RIMBP2: variants seen among roughly 807,000 people sequenced by gnomAD.
RIMBP2 encodes the protein RIMS-binding protein 2.
A neutral mutation model predicts 118.6 loss-of-function variants in RIMBP2; 48 were observed. That is an observed-to-expected ratio of 0.40 (90% CI 0.32 to 0.51). RIMBP2 has a LOEUF of 0.51. RIMBP2 is among the 20% of genes least tolerant of loss of function. RIMBP2 has a pLI of 0.41. For synonymous variants in RIMBP2, 762 were observed against 742.9 expected (o/e 1.03, Z -0.42); for missense variants, 1,551 against 1,768.3 (o/e 0.88, Z 2.20).
rs187629300 is a variant in RIMBP2 at position 130,691,533 on chromosome 12, G to A, written c.-352+24689C>T. 5.3e-5 allele frequency among the ~76,000 whole-genome samples: 8 copies of A among 151,978 alleles called. No individual in the cohort carries two copies. In the East Asian group the frequency reaches 1.5e-3, roughly 29 times the overall value. On this transcript the variant is annotated intron_variant, in intron 1 of 22. Coordinates refer to ENST00000690449, the MANE Select transcript of RIMBP2 (RefSeq NM_001393629.1). ...AAAAAAATACAAAAATTAGCCGGAT[G>A]TGATGGCCCACACTGGAATCCCAGC... is the stretch of plus-strand genomic sequence containing the variant.
chr12:130,656,638 C>A (rs953518267), intron 1 of RIMBP2, among the ~76,000 whole-genome samples: 1 of 152,100 alleles, frequency 6.6e-6, no homozygotes, highest in Non-Finnish European at 1.5e-5. Flanking sequence ...GCGACCTCCC[C>A]GCGTCTTCAC....
rs1326652527 is a variant in RIMBP2 at position 130,617,412 on chromosome 12, T to C, written c.-217+10910A>G. Among the ~76,000 whole-genome samples the C allele has an allele frequency of 1.3e-5, 2 of 152,194 alleles. No individual in the cohort carries two copies. Reference sequence around the variant, plus strand: ...ACCATCTCCCTTCACCAGACTCCATTTTTTTCCTAGCACACATTGCCCTGG... The same window carrying C: ...ACCATCTCCCTTCACCAGACTCCATCTTTTTCCTAGCACACATTGCCCTGG... On this transcript the variant is annotated intron_variant, in intron 2 of 22. Transcript: ENST00000690449. This position sits in a 1 kb window ranked among gnomAD's most constrained non-coding sequence, Gnocchi z 4.6.
At chr12:130,635,968 C>A (rs1236966541) in intron 1 of RIMBP2, among the ~76,000 whole-genome samples, 2 of 152,114 alleles carry the variant, frequency 1.3e-5, no homozygotes, top group African/African-American at 4.8e-5. Flanking sequence ...CCCTCCCCTG[C>A]CAAAGCCCCT....
At chr12:130,626,202 C>T (rs983685146) in intron 2 of RIMBP2, among the ~76,000 whole-genome samples, 1 of 152,188 alleles carries the variant, frequency 6.6e-6, no homozygotes, top group East Asian at 1.9e-4. Flanking sequence ...CACATCAGAC[C>T]TTTTCTGCCT....
At chr12:130,605,611 T>C (rs1050817349) in intron 2 of RIMBP2, among the ~76,000 whole-genome samples, 1 of 152,132 alleles carries the variant, frequency 6.6e-6, no homozygotes, top group Non-Finnish European at 1.5e-5. Flanking sequence ...AGTGACAATA[T>C]CTACAACTTT....
chr12:130,674,816 G>A (rs2064373017), intron 1 of RIMBP2, among the ~76,000 whole-genome samples: 1 of 151,766 alleles, frequency 6.6e-6, no homozygotes, highest in African/African-American at 2.4e-5. Flanking sequence ...TTCCGTCTGT[G>A]TGGGTTCGCC....
Position 130,439,829 on chromosome 12 carries a change from G to GTGTGTGTA in RIMBP2, c.1505-1314_1505-1313insTACACACA, listed in dbSNP as rs1555250326. Among the ~76,000 whole-genome samples the GTGTGTGTA allele has an allele frequency of 3.9e-3, 428 of 109,586 alleles. 23 individuals carry two copies. Among genetic ancestry groups the GTGTGTGTA allele is most frequent in the African/African-American group, 0.014 (364 of 25,336 alleles). The allele number at this position is 109,586 out of a possible 152,430, so 71.9% of individuals were successfully genotyped here. ...TGAGTCTGTGGGGGTGTCTGTGTGT[G>GTGTGTGTA]TGTGTATGTGTATCTGTGAGTCTGT... is the stretch of plus-strand genomic sequence containing the variant. On this transcript the variant is annotated intron_variant, in intron 11 of 22. Transcript: ENST00000690449.
rs957897769 is a variant in RIMBP2 at position 130,525,253 on chromosome 12, G to A, written c.-216-7336C>T. Among the ~76,000 whole-genome samples, 4 of 152,206 alleles carry A rather than the reference G, an allele frequency of 2.6e-5. No homozygotes were observed. Among genetic ancestry groups the A allele is most frequent in the Non-Finnish European group, 5.9e-5 (4 of 68,036 alleles). On this transcript the variant is annotated intron_variant, in intron 2 of 22. Coordinates refer to ENST00000690449, the MANE Select transcript of RIMBP2 (RefSeq NM_001393629.1). The surrounding 1 kb of genome is among the most constrained non-coding windows in gnomAD (Gnocchi z 4.4). Reference sequence around the variant, plus strand: ...GAGTGACCAGAGCCTTGAGAGTGGGGACCGGCAGGTCAGCTACTGCCCAGA... The same window carrying A: ...GAGTGACCAGAGCCTTGAGAGTGGGAACCGGCAGGTCAGCTACTGCCCAGA...
At chr12:130,689,363 G>A (rs1446934982) in intron 1 of RIMBP2, among the ~76,000 whole-genome samples, 1 of 152,170 alleles carries the variant, frequency 6.6e-6, no homozygotes, top group East Asian at 1.9e-4. Flanking sequence ...AACCCGGGAG[G>A]CGGAGGTTAC....
At chr12:130,467,058 C>T (rs997148564) in intron 6 of RIMBP2, among the ~76,000 whole-genome samples, 3 of 152,226 alleles carry the variant, frequency 2.0e-5, no homozygotes, top group East Asian at 1.9e-4. Context: ...CTAACTCCAT[C>T]GTGCTTCTAA....
chr12:130,453,139 C>T (rs61216643), intron 7 of RIMBP2, among the ~76,000 whole-genome samples: 4,036 of 152,316 alleles, frequency 0.026, 155 homozygotes, highest in African/African-American at 0.09. Context: ...AAACTGGCTG[C>T]GCCAGGGATA....
At chr12:130,516,133 C>T (rs2051430429) in intron 3 of RIMBP2, among the ~76,000 whole-genome samples, 1 of 152,156 alleles carries the variant, frequency 6.6e-6, no homozygotes, top group Non-Finnish European at 1.5e-5. Context: ...GTGCAGGATT[C>T]CAGTTTCCCT....
At chr12:130,532,712 C>A (rs11060976) in intron 2 of RIMBP2, among the ~76,000 whole-genome samples, 2 of 79,810 alleles carry the variant, frequency 2.5e-5, no homozygotes, top group African/African-American at 3.5e-5. Flanking sequence ...CTAGGAGTTA[C>A]GTCTAATGAG....
intron 17 of RIMBP2, among the ~76,000 whole-genome samples, chr12:130,418,276 C>G (rs1251041226): frequency 6.6e-6 from 1 of 152,184 alleles, no homozygotes; most frequent in African/African-American, 2.4e-5. Flanking sequence ...TCCACAGCAG[C>G]CTTCATTAAT....
chr12:130,551,397 C>T (rs1358925401), intron 2 of RIMBP2, among the ~76,000 whole-genome samples: 2 of 152,188 alleles, frequency 1.3e-5, no homozygotes, highest in East Asian at 3.8e-4. Flanking sequence ...CTCACTTCAT[C>T]TGTCTTATCT....
intron 2 of RIMBP2, among the ~76,000 whole-genome samples, chr12:130,619,670 G>T (rs2061177333): frequency 6.6e-6 from 1 of 152,170 alleles, no homozygotes; most frequent in African/African-American, 2.4e-5. Flanking sequence ...TCGTCAAGGG[G>T]ACCGCACAGA....
chr12:130,608,929 C>T (rs1372658473), intron 2 of RIMBP2, among the ~76,000 whole-genome samples: 3 of 152,140 alleles, frequency 2.0e-5, no homozygotes, highest in East Asian at 1.9e-4. Flanking sequence ...AGCATCTCCC[C>T]ATGGCCCCCA....
At position 130,688,050 on chromosome 12, in the gene RIMBP2, C is replaced by T. The variant is rs546621381; in HGVS notation, c.-352+28172G>A. Among the ~76,000 whole-genome samples, 28 of 152,330 alleles carry T rather than the reference C, an allele frequency of 1.8e-4. No individual in the cohort carries two copies. The highest frequency in any genetic ancestry group is 6.3e-4 in the African/African-American group (26 of 41,582). On this transcript the variant is annotated intron_variant, in intron 1 of 22. Transcript: ENST00000690449. This position sits in a 1 kb window ranked among gnomAD's most constrained non-coding sequence, Gnocchi z 4.7. ...GCTCAGATCAACTATTGTTAAAATT[C>T]GTACTGTGGGAAAGAGGGGCACATC...
intron 17 of RIMBP2, among the ~76,000 whole-genome samples, chr12:130,415,795 C>T (rs2076063563): frequency 6.6e-6 from 1 of 152,118 alleles, no homozygotes; most frequent in Non-Finnish European, 1.5e-5. Flanking sequence ...GATTCTAAAC[C>T]TAGAAAACCC....
Sources: allele counts gnomAD v4.1 joint callset (sites outside exome capture counted in the v4.1 genomes callset), GRCh38; gene constraint gnomAD v4.1.1; non-coding constraint Gnocchi (gnomAD v3.1); transcripts MANE v1.5; gene names NCBI Gene and HGNC (gene_info 2026-07-23, HGNC 2026-07-21).